Variants in STARD13 observed in about 807,000 individuals in gnomAD.
STARD13 encodes the protein stAR-related lipid transfer protein 13.
In STARD13, 62 loss-of-function variants were observed where a neutral mutation model predicts 106.4. That is an observed-to-expected ratio of 0.58 (90% CI 0.48 to 0.72). STARD13 has a LOEUF of 0.72. STARD13 is among the 30% of genes least tolerant of loss of function. STARD13 has a pLI of 0.00. For missense variants in STARD13, 1,387 were observed against 1,424.0 expected (o/e 0.97, Z 0.42); for synonymous variants, 565 against 553.0 (o/e 1.02, Z -0.31).
Position 33,104,514 on chromosome 13 carries a change from A to G in STARD13, c.*1079T>C, listed in dbSNP as rs1873457381. 1 of 152,662 alleles carries G rather than the reference A, an allele frequency of 6.6e-6. No individual in the cohort carries two copies. Among genetic ancestry groups the G allele is most frequent in the African/African-American group, 2.4e-5 (1 of 41,462 alleles). The allele number at this position is 152,662 out of a possible 1,614,324, so 9.5% of individuals were successfully genotyped here. Reference sequence around the variant, plus strand: ...AAAATATGAATTCCCTGAAGCTGTAACGATCTAGGATTTGAACGGAATGGC... The same window carrying G: ...AAAATATGAATTCCCTGAAGCTGTAGCGATCTAGGATTTGAACGGAATGGC... On this transcript the variant is annotated 3_prime_UTR_variant, in exon 14 of 14. Transcript: ENST00000336934.
the STARD13 span, among the ~76,000 whole-genome samples, chr13:33,467,609 C>T: frequency 6.6e-6 from 1 of 152,074 alleles, no homozygotes; most frequent in African/African-American, 2.4e-5. Flanking sequence ...TCCAGGTTGC[C>T]TGTCTTTGGG....
At chr13:33,428,184 G>T in the STARD13 span, among the ~76,000 whole-genome samples, 1 of 152,076 alleles carries the variant, frequency 6.6e-6, no homozygotes, top group Non-Finnish European at 1.5e-5. Flanking sequence ...ACTTAATATG[G>T]ATTAAAGACT....
the STARD13 span, among the ~76,000 whole-genome samples, chr13:33,626,128 G>A: frequency 6.6e-6 from 1 of 152,054 alleles, no homozygotes; most frequent in East Asian, 1.9e-4. Flanking sequence ...AGCTACATCA[G>A]AAACACACAC....
the STARD13 span, among the ~76,000 whole-genome samples, chr13:33,623,326 AT>A: frequency 2.0e-5 from 3 of 151,864 alleles, no homozygotes; most frequent in Non-Finnish European, 4.4e-5. Flanking sequence ...TTGTAGAAAA[AT>A]AATACAAAAT....
intron 1 of STARD13, among the ~76,000 whole-genome samples, chr13:33,271,835 T>C (rs1891180165): frequency 6.8e-6 from 1 of 146,980 alleles, no homozygotes; most frequent in Admixed American, 6.8e-5. Context: ...AACATACAAA[T>C]AAAAAAAAAA....
the STARD13 span, among the ~76,000 whole-genome samples, chr13:33,578,564 A>G: frequency 1.3e-5 from 2 of 151,960 alleles, no homozygotes; most frequent in African/African-American, 2.4e-5. Context: ...GAAAACCTAG[A>G]AAAAACTCCT....
At chr13:33,527,999 C>T in the STARD13 span, among the ~76,000 whole-genome samples, 2 of 150,812 alleles carry the variant, frequency 1.3e-5, no homozygotes, top group Non-Finnish European at 3.0e-5. Context: ...ATGAAATTGG[C>T]TGAATGTCAG....
At chr13:33,668,574 G>A in the STARD13 span, among the ~76,000 whole-genome samples, 4 of 152,204 alleles carry the variant, frequency 2.6e-5, no homozygotes, top group Non-Finnish European at 5.9e-5. Context: ...GCTCCCATGT[G>A]CCCAAGAGGT....
chr13:33,313,880 A>G (rs534468704), intron 1 of STARD13, among the ~76,000 whole-genome samples: 37 of 152,274 alleles, frequency 2.4e-4, no homozygotes, highest in Non-Finnish European at 4.3e-4. Flanking sequence ...TCTTTTCCCA[A>G]GCATTTACAG....
chr13:33,185,177 T>G (rs1885635228), intron 1 of STARD13, among the ~76,000 whole-genome samples: 3 of 152,144 alleles, frequency 2.0e-5, no homozygotes, highest in Admixed American at 6.5e-5. Context: ...ACTCTAGACA[T>G]TTATGATGGA....
At chr13:33,256,117 A>C (rs1890351691) in intron 1 of STARD13, among the ~76,000 whole-genome samples, 1 of 152,256 alleles carries the variant, frequency 6.6e-6, no homozygotes, top group East Asian at 1.9e-4. Flanking sequence ...TTCATCTTCA[A>C]AATGAATTTT....
the STARD13 span, among the ~76,000 whole-genome samples, chr13:33,450,907 G>A: frequency 0.11 from 16,297 of 152,118 alleles, 1,063 homozygotes; most frequent in African/African-American, 0.18. Context: ...AAAAGAGACA[G>A]GGTCTTGCTC....
At chr13:33,658,948 G>A in the STARD13 span, among the ~76,000 whole-genome samples, 1 of 152,140 alleles carries the variant, frequency 6.6e-6, no homozygotes, top group Admixed American at 6.5e-5. Flanking sequence ...AGGGGACAGG[G>A]TTTGGAGAGC....
At chr13:33,180,410 C>T (rs1304471637) in intron 1 of STARD13, 2 of 152,210 alleles carry the variant, frequency 1.3e-5, no homozygotes, top group Non-Finnish European at 2.9e-5. Flanking sequence ...TGTGTTAAAA[C>T]ATAACCAAAC....
chr13:33,624,828 C>T, the STARD13 span, among the ~76,000 whole-genome samples: 5 of 152,234 alleles, frequency 3.3e-5, no homozygotes, highest in Admixed American at 1.3e-4. Context: ...GGTCAGGTGT[C>T]AGATGTGGGT....
the STARD13 span, among the ~76,000 whole-genome samples, chr13:33,438,375 G>A: frequency 6.6e-6 from 1 of 152,184 alleles, no homozygotes; most frequent in African/African-American, 2.4e-5. Flanking sequence ...ACGAAGCACA[G>A]AGGGTTCTAC....
chr13:33,192,242 A>C (rs1211823361), intron 1 of STARD13, among the ~76,000 whole-genome samples: 4 of 152,250 alleles, frequency 2.6e-5, no homozygotes, highest in African/African-American at 9.6e-5. Context: ...CTAAACAGGG[A>C]ATATGCTACT....
rs75542752 is a variant in STARD13 at position 33,195,013 on chromosome 13, G to A, written c.170-27391C>T. 8.8e-4 allele frequency among the ~76,000 whole-genome samples: 134 copies of A among 152,308 alleles called. 1 individual carries two copies. In the East Asian group the frequency reaches 0.018, roughly 21 times the overall value. ...ATTTTCCCATGCTACTTCACTTCTT[G>A]TGCAAGAACTTTTATGAGATTCTAG... On this transcript the variant is annotated intron_variant, in intron 1 of 13. Coordinates refer to ENST00000336934, the MANE Select transcript of STARD13 (RefSeq NM_178006.4).
the STARD13 span, among the ~76,000 whole-genome samples, chr13:33,461,888 G>A: frequency 2.6e-5 from 4 of 152,088 alleles, no homozygotes; most frequent in African/African-American, 7.2e-5. Context: ...AGTCTTAAAA[G>A]TCCAGAATAG....
Sources: allele counts gnomAD v4.1 joint callset (sites outside exome capture counted in the v4.1 genomes callset), GRCh38; gene constraint gnomAD v4.1.1; transcripts MANE v1.5; gene names NCBI Gene and HGNC (gene_info 2026-07-23, HGNC 2026-07-21).